Variants in IL1RAPL2 observed in about 807,000 individuals in gnomAD.
IL1RAPL2 encodes interleukin 1 receptor accessory protein like 2, also known as X-linked interleukin-1 receptor accessory protein-like 2.
A neutral mutation model predicts 44.1 loss-of-function variants in IL1RAPL2; 3 were observed. The observed-to-expected ratio is 0.07, with a 90% CI of 0.03 to 0.18. The LOEUF (loss-of-function observed/expected upper bound fraction) is 0.18. Ranked by LOEUF, IL1RAPL2 falls within the 10% of genes least tolerant of loss-of-function variation. The pLI, the probability that IL1RAPL2 is intolerant of heterozygous loss-of-function variation, is 1.00. For missense variants in IL1RAPL2, 391 were observed against 496.4 expected (o/e 0.79, Z 2.02); for synonymous variants, 181 against 178.8 (o/e 1.01, Z -0.10).
At chrX:105,075,525 A>T (rs908430992) in intron 2 of IL1RAPL2, among the ~76,000 whole-genome samples, 2 of 111,462 alleles carry the variant, frequency 1.8e-5, no homozygotes, top group African/African-American at 6.6e-5. Flanking sequence ...TGTCTCTGCC[A>T]GGCTTTGGTA....
At chrX:104,928,761 A>G (rs1196903608) in intron 2 of IL1RAPL2, among the ~76,000 whole-genome samples, 2 of 111,360 alleles carry the variant, frequency 1.8e-5, no homozygotes, top group Non-Finnish European at 3.8e-5. Context: ...ACTTCGTAGA[A>G]TAAGAAAGGC....
At chrX:105,192,805 A>G (rs1327520118) in intron 2 of IL1RAPL2, among the ~76,000 whole-genome samples, 1 of 111,747 alleles carries the variant, frequency 8.9e-6, no homozygotes, top group Non-Finnish European at 1.9e-5. Context: ...TTTAGAAATT[A>G]TTTTCTCCAT....
rs745386417 is a variant in IL1RAPL2 at position 105,270,272 on chromosome X, TGTGA to T, written c.697+2734_697+2737del. 6.0e-4 allele frequency among the ~76,000 whole-genome samples: 67 copies of T among 111,861 alleles called. 1 individual carries two copies. The highest frequency in any genetic ancestry group is 2.1e-3 in the African/African-American group (65 of 30,845). On this transcript the variant is annotated intron_variant, in intron 5 of 10. Transcript: ENST00000372582. The stretch of plus-strand genomic sequence containing the variant: ...GTCAAAGTCATAGGTTTGATTATTT[TGTGA>T]GTATGTTAGTTCACACATGCACACA...
At chrX:105,101,560 A>C (rs1183866105) in intron 2 of IL1RAPL2, among the ~76,000 whole-genome samples, 1 of 111,651 alleles carries the variant, frequency 9.0e-6, no homozygotes, top group Non-Finnish European at 1.9e-5. Context: ...GGCTGTTGCA[A>C]ATGTAATGAT....
intron 6 of IL1RAPL2, among the ~76,000 whole-genome samples, chrX:105,521,609 G>A (rs1056752018): frequency 9.1e-6 from 1 of 109,623 alleles, no homozygotes; most frequent in African/African-American, 3.4e-5. Flanking sequence ...CCTGGTGAGA[G>A]GTAATTGAAT....
At chrX:105,659,966 A>G (rs2037708009) in intron 6 of IL1RAPL2, among the ~76,000 whole-genome samples, 1 of 111,650 alleles carries the variant, frequency 9.0e-6, no homozygotes, top group African/African-American at 3.3e-5. Flanking sequence ...AAGTTTATTC[A>G]AAGATTTAAT....
chrX:105,483,970 A>G (rs915975737), intron 5 of IL1RAPL2, among the ~76,000 whole-genome samples: 3 of 111,760 alleles, frequency 2.7e-5, no homozygotes, highest in African/African-American at 9.7e-5. Context: ...ACTACAAAGC[A>G]TATATGAGGA....
intron 1 of IL1RAPL2, among the ~76,000 whole-genome samples, chrX:104,582,545 T>G (rs773260896): frequency 9.4e-6 from 1 of 106,030 alleles, no homozygotes; most frequent in East Asian, 3.0e-4. Flanking sequence ...TTTCCTTCCT[T>G]CCTCCCCTTC....
chrX:105,484,160 G>C (rs755174709), intron 5 of IL1RAPL2, among the ~76,000 whole-genome samples, 153 bp from the exon 6 acceptor site: 3 of 111,839 alleles, frequency 2.7e-5, no homozygotes, highest in Non-Finnish European at 3.8e-5. Context: ...TGTATGGATA[G>C]AGTAACAACC....
chrX:104,809,349 T>A (rs1361831834), intron 2 of IL1RAPL2, among the ~76,000 whole-genome samples: 3 of 111,620 alleles, frequency 2.7e-5, no homozygotes, highest in Non-Finnish European at 5.7e-5. Flanking sequence ...ACCAACAGTG[T>A]AAAAGTGTTC....
chrX:105,480,057 CCTT>C (rs1264648467), intron 5 of IL1RAPL2, among the ~76,000 whole-genome samples: 4 of 111,907 alleles, frequency 3.6e-5, no homozygotes, highest in Non-Finnish European at 7.5e-5. Context: ...GAGTTTCTGT[CCTT>C]CTACTCCCTC....
intron 2 of IL1RAPL2, among the ~76,000 whole-genome samples, chrX:104,945,589 G>C (rs73531399): frequency 0.021 from 2,371 of 111,631 alleles, 57 homozygotes; most frequent in African/African-American, 0.073. Flanking sequence ...AAGAATCATA[G>C]GGCAATGCGT....
chrX:105,699,925 G>A (rs779100357), intron 6 of IL1RAPL2, among the ~76,000 whole-genome samples: 2 of 111,525 alleles, frequency 1.8e-5, no homozygotes, highest in East Asian at 5.7e-4. Context: ...AGGTAAAAGC[G>A]AATAAATTAC....
In IL1RAPL2 at chrX:105,099,903, A is replaced by G. The variant is rs72616886; in HGVS notation, c.83-95572A>G. On this transcript the variant is annotated intron_variant, in intron 2 of 10. Transcript: ENST00000372582. Reference sequence around the variant, plus strand: ...TCCTACCTCCAATATTGGGGATTACATTTCAACCTGAGGTTTGGAGGAGAC... The same window carrying G: ...TCCTACCTCCAATATTGGGGATTACGTTTCAACCTGAGGTTTGGAGGAGAC... Among the ~76,000 whole-genome samples, 35 of 110,499 alleles carry G rather than the reference A, an allele frequency of 3.2e-4. No homozygotes were observed. The East Asian group carries it at 9.9e-3, about 31-fold the overall frequency.
intron 2 of IL1RAPL2, among the ~76,000 whole-genome samples, chrX:104,718,982 C>T (rs1360799425): frequency 1.8e-5 from 2 of 111,711 alleles, no homozygotes; most frequent in Non-Finnish European, 3.8e-5. Flanking sequence ...TACAAAAACA[C>T]ATAGTGGGTT....
intron 2 of IL1RAPL2, among the ~76,000 whole-genome samples, chrX:105,005,568 T>C (rs1304539342): frequency 2.7e-5 from 3 of 111,021 alleles, no homozygotes; most frequent in Non-Finnish European, 5.7e-5. Context: ...TGAACATTTC[T>C]TTCTTTCTCT....
At chrX:105,040,489 T>G (rs780950672) in intron 2 of IL1RAPL2, among the ~76,000 whole-genome samples, 1 of 110,463 alleles carries the variant, frequency 9.1e-6, no homozygotes, top group Admixed American at 9.6e-5. Context: ...TGGTAGAATT[T>G]GGCTGTGAAT....
chrX:105,228,057 C>T (rs2034034409), intron 3 of IL1RAPL2, among the ~76,000 whole-genome samples: 2 of 111,736 alleles, frequency 1.8e-5, no homozygotes, highest in South Asian at 7.4e-4. Context: ...CTTGAATTTG[C>T]TACAGTATCA....
chrX:104,939,318 A>G (rs1227241174), intron 2 of IL1RAPL2, among the ~76,000 whole-genome samples: 3 of 111,215 alleles, frequency 2.7e-5, no homozygotes, highest in African/African-American at 9.8e-5. Flanking sequence ...CAGCCTCCCA[A>G]AGTGCTGGGA....
Sources: allele counts gnomAD v4.1 joint callset (sites outside exome capture counted in the v4.1 genomes callset), GRCh38; gene constraint gnomAD v4.1.1; transcripts MANE v1.5; gene names NCBI Gene and HGNC (gene_info 2026-07-23, HGNC 2026-07-21).